The following SPATA17 variants were observed in gnomAD, a reference collection of about 807,000 sequenced individuals.
The protein encoded by SPATA17 is spermatogenesis associated 17, also known as spermatogenesis-associated protein 17.
In SPATA17, 53 loss-of-function variants were observed where a neutral mutation model predicts 62.2. The ratio of observed to expected loss-of-function variants is 0.85; its 90% CI spans 0.68 to 1.07. SPATA17 has a LOEUF of 1.07. Ranked by LOEUF, SPATA17 falls within the 50% of genes least tolerant of loss-of-function variation. The pLI, the probability that SPATA17 is intolerant of heterozygous loss-of-function variation, is 0.00. For missense variants in SPATA17, 466 were observed against 425.5 expected, an observed-to-expected ratio of 1.10 and a Z score of -0.84; for synonymous variants, 146 against 146.8, an observed-to-expected ratio of 0.99 and a Z score of 0.04.
intron 6 of SPATA17, among the ~76,000 whole-genome samples, chr1:217,770,727 A>G (rs1358053078): frequency 6.6e-6 from 1 of 152,152 alleles, no homozygotes. Context: ...TACCGTTTTA[A>G]CACTTTTCCA....
chr1:217,646,756 A>G (rs963327581), intron 1 of SPATA17, among the ~76,000 whole-genome samples: 1 of 152,112 alleles, frequency 6.6e-6, no homozygotes, highest in African/African-American at 2.4e-5. Context: ...TTAACCAGGC[A>G]TGGTGGCGTG....
At chr1:217,694,717 G>C (rs1228879605) in intron 5 of SPATA17, among the ~76,000 whole-genome samples, 1 of 151,422 alleles carries the variant, frequency 6.6e-6, no homozygotes, top group African/African-American at 2.4e-5. Flanking sequence ...GCATTTGCTT[G>C]TGTGTAAAGG....
At chr1:217,744,381 T>G (rs1280045646) in intron 6 of SPATA17, among the ~76,000 whole-genome samples, 1 of 90,708 alleles carries the variant, frequency 1.1e-5, no homozygotes. Flanking sequence ...GAGAATGGCG[T>G]GAACCCGGGA....
intron 9 of SPATA17, among the ~76,000 whole-genome samples, chr1:217,849,823 G>C (rs1310058794): frequency 1.3e-5 from 2 of 152,122 alleles, no homozygotes; most frequent in Non-Finnish European, 2.9e-5. Flanking sequence ...TTTTAAGCAA[G>C]CCCTGTGCAT....
At chr1:217,639,820 T>C (rs1313508569) in intron 1 of SPATA17, among the ~76,000 whole-genome samples, 1 of 152,056 alleles carries the variant, frequency 6.6e-6, no homozygotes, top group African/African-American at 2.4e-5. Flanking sequence ...TTTTCACCAC[T>C]CTTCTGACCC....
chr1:217,668,945 TAAAG>T, intron 3 of SPATA17, 84 bp from the exon 4 acceptor site: 2 of 1,133,422 alleles, frequency 1.8e-6, no homozygotes, highest in South Asian at 2.7e-5. Flanking sequence ...GTATTATGTA[TAAAG>T]ATTCTTATCT....
intron 9 of SPATA17, among the ~76,000 whole-genome samples, chr1:217,853,163 A>G (rs1675701948): frequency 6.6e-6 from 1 of 152,196 alleles, no homozygotes; most frequent in Admixed American, 6.5e-5. Flanking sequence ...GCAGAAAGAA[A>G]TTAGTCTAAC....
At chr1:217,722,806 A>G (rs1672168791) in intron 5 of SPATA17, among the ~76,000 whole-genome samples, 1 of 151,758 alleles carries the variant, frequency 6.6e-6, no homozygotes, top group African/African-American at 2.4e-5. Flanking sequence ...CACTATCTCC[A>G]TTGATCTTTG....
chr1:217,689,515 C>G (rs547633902), intron 5 of SPATA17, among the ~76,000 whole-genome samples: 8 of 152,222 alleles, frequency 5.3e-5, no homozygotes, highest in African/African-American at 1.9e-4. Context: ...TGTGAGCCAC[C>G]ACACGATGTC....
At chr1:217,729,616 T>A (rs940222186) in intron 5 of SPATA17, among the ~76,000 whole-genome samples, 1 of 152,162 alleles carries the variant, frequency 6.6e-6, no homozygotes, top group African/African-American at 2.4e-5. Flanking sequence ...TATATCAAGA[T>A]ACAATAATTA....
chr1:217,671,202 A>G (rs1335141354), intron 4 of SPATA17, among the ~76,000 whole-genome samples: 1 of 152,092 alleles, frequency 6.6e-6, no homozygotes, highest in Non-Finnish European at 1.5e-5. Flanking sequence ...TTGGAACAAA[A>G]TGTTTGTTAA....
chr1:217,758,055 A>G (rs1673088984), intron 6 of SPATA17, among the ~76,000 whole-genome samples: 1 of 152,212 alleles, frequency 6.6e-6, no homozygotes, highest in Admixed American at 6.5e-5. Flanking sequence ...TATGTAATTT[A>G]TTCCAGCAGT....
At chr1:217,721,920 C>A (rs533419516) in intron 5 of SPATA17, among the ~76,000 whole-genome samples, 1 of 152,166 alleles carries the variant, frequency 6.6e-6, no homozygotes, top group African/African-American at 2.4e-5. Context: ...GCTTCTAAGA[C>A]GTGGCCTGGA....
At chr1:217,773,758 T>C (rs1437177690) in intron 6 of SPATA17, among the ~76,000 whole-genome samples, 2 of 152,136 alleles carry the variant, frequency 1.3e-5, no homozygotes, top group African/African-American at 2.4e-5. Context: ...TATAATATAG[T>C]ATTATAGCCT....
chr1:217,644,039 C>A (rs913154397), intron 1 of SPATA17, among the ~76,000 whole-genome samples: 2 of 152,038 alleles, frequency 1.3e-5, no homozygotes, highest in African/African-American at 4.8e-5. Context: ...GAAACAAAAT[C>A]TTTTTGAATG....
rs143674925 is a variant in SPATA17 at position 217,669,072 on chromosome 1, A to G, written c.280A>G (p.Met94Val). 335 of 1,610,916 alleles carry G rather than the reference A, an allele frequency of 2.1e-4. 1 individual carries two copies. In the African/African-American group the frequency reaches 3.9e-3, roughly 19 times the overall value. The change falls in exon 4 of 11, where the codon ATG (methionine) becomes GTG (valine). Residue 94 changes from methionine (M) to valine (V), a missense_variant. Physicochemically the swap from Met to Val is conservative, Grantham distance 21. Transcript: ENST00000366933. ...TATGATGATGAATCTCTACAATGCAATGGCTGTCAGGGTAAATATTTCTTC... is the reference window on the plus strand; with the variant it reads ...TATGATGATGAATCTCTACAATGCAGTGGCTGTCAGGGTAAATATTTCTTC... ...YTMMMNLYNAMAVRIQRRWRG... is the reference protein window; with the variant it reads ...YTMMMNLYNAVAVRIQRRWRG...
intron 6 of SPATA17, among the ~76,000 whole-genome samples, chr1:217,769,347 A>C (rs1017082569): frequency 1.3e-5 from 2 of 152,214 alleles, no homozygotes; most frequent in African/African-American, 4.8e-5. Context: ...TTCCCCTTGC[A>C]CTATATCCCT....
At chr1:217,712,125 G>GTTTTTTTTTTTTTTTT (rs1228367779) in intron 5 of SPATA17, among the ~76,000 whole-genome samples, 4 of 104,288 alleles carry the variant, frequency 3.8e-5, no homozygotes, top group African/African-American at 1.1e-4. Context: ...TCTACAATAT[G>GTTTTTTTTTTTTTTTT]TTCTTTTGTT....
intron 5 of SPATA17, among the ~76,000 whole-genome samples, chr1:217,730,062 A>G (rs1044749344): frequency 6.6e-6 from 1 of 152,306 alleles, no homozygotes; most frequent in South Asian, 2.1e-4. Flanking sequence ...ATCAGGGAAG[A>G]TGATTAGTTA....
Sources: gnomAD v4.1 joint callset for allele counts (sites outside exome capture counted in the v4.1 genomes callset) on GRCh38, gnomAD v4.1.1 for gene constraint, MANE v1.5 for transcripts, NCBI Gene and HGNC (gene_info 2026-07-23, HGNC 2026-07-21) for gene names.